PRMT8: variants seen among roughly 807,000 people sequenced by gnomAD.
PRMT8 encodes the protein protein arginine methyltransferase 8.
A neutral mutation model predicts 47.1 loss-of-function variants in PRMT8; 7 were observed. The ratio of observed to expected loss-of-function variants is 0.15; its 90% CI spans 0.08 to 0.28. The LOEUF (loss-of-function observed/expected upper bound fraction) is 0.28, where lower values mean the gene tolerates loss of function less well. Among genes scored for constraint, PRMT8 ranks in the 10% least tolerant of loss-of-function variants. The pLI, the probability that PRMT8 is intolerant of heterozygous loss-of-function variation, is 1.00. For synonymous variants in PRMT8, 188 were observed against 186.5 expected (o/e 1.01, Z -0.07); for missense variants, 237 against 505.4 (o/e 0.47, Z 5.09).
At chr12:3,545,335 G>A (rs1315550703) in intron 2 of PRMT8, among the ~76,000 whole-genome samples, 2 of 152,150 alleles carry the variant, frequency 1.3e-5, no homozygotes, top group African/African-American at 2.4e-5. Flanking sequence ...CCTGCTATGC[G>A]CCATGCCCCA....
At chr12:3,494,921 A>G (rs1344700232) in intron 1 of PRMT8, among the ~76,000 whole-genome samples, 1 of 152,214 alleles carries the variant, frequency 6.6e-6, no homozygotes, top group Non-Finnish European at 1.5e-5. Context: ...CCCCTGGCAC[A>G]TGGCAAACAC....
Position 3,492,812 on chromosome 12 carries a change from A to G in PRMT8, c.75+1112A>G, listed in dbSNP as rs1015095879. ...ATCATCCCTTACTCAGTGGCAGGAAAAAGACACAGAGAGCAAACTCCCAGG... is the reference window on the plus strand; with the variant it reads ...ATCATCCCTTACTCAGTGGCAGGAAGAAGACACAGAGAGCAAACTCCCAGG... On this transcript the variant is annotated intron_variant, in intron 1 of 9. Coordinates refer to ENST00000382622, the MANE Select transcript of PRMT8 (RefSeq NM_019854.5). This position sits in a 1 kb window ranked among gnomAD's most constrained non-coding sequence, Gnocchi z 7.5. 6.6e-6 allele frequency among the ~76,000 whole-genome samples: 1 copy of G among 152,080 alleles called. No individual in the cohort carries two copies. Among genetic ancestry groups the G allele is most frequent in the Non-Finnish European group, 1.5e-5 (1 of 68,022 alleles).
intron 1 of PRMT8, among the ~76,000 whole-genome samples, chr12:3,389,454 C>T (rs565533692): frequency 5.3e-5 from 8 of 152,310 alleles, no homozygotes; most frequent in South Asian, 2.1e-4. Context: ...GGAAGGCATT[C>T]GCTCATTCTT....
chr12:3,512,961 G>A (rs1395903301), intron 1 of PRMT8, among the ~76,000 whole-genome samples: 2 of 152,108 alleles, frequency 1.3e-5, no homozygotes, highest in Non-Finnish European at 2.9e-5. Flanking sequence ...GAGGTTTGTG[G>A]GATTCAGGAG....
chr12:3,400,165 C>T lies in PRMT8; in HGVS notation c.48+18723C>T, dbSNP rs914469840. On this transcript the variant is annotated intron_variant, in intron 1 of 9. Coordinates refer to the PRMT8 transcript ENST00000452611. ...AACCAAGAAATAACCAAGATCAGAG[C>T]TGAACTGAAGGAGATAAAGAGACGA... Among the ~76,000 whole-genome samples, 4 of 152,080 alleles carry T rather than the reference C, an allele frequency of 2.6e-5. No homozygotes were observed. The South Asian group carries it at 8.3e-4, about 32-fold the overall frequency.
chr12:3,540,937 C>G, intron 2 of PRMT8, 146 bp downstream of exon 2: 1 of 1,001,814 alleles, frequency 1.0e-6, no homozygotes, highest in Non-Finnish European at 1.4e-6. Context: ...TTTCTCCAAT[C>G]CGGGGGGCCC....
At chr12:3,551,017 A>C (rs1206321636) in intron 3 of PRMT8, 4 of 152,184 alleles carry the variant, frequency 2.6e-5, no homozygotes, top group Non-Finnish European at 5.9e-5. Context: ...CCTGAGCAGC[A>C]TTCAGTGGGT....
rs1308133892 is a variant in PRMT8, at chr12:3,593,157, T to C, written c.1160T>C (p.Val387Ala). 6.2e-7 allele frequency: 1 copy of C among 1,614,068 alleles called. No homozygotes were observed. The highest frequency in any genetic ancestry group is 8.5e-7 in the Non-Finnish European group (1 of 1,179,956). The change falls in exon 10 of 10, where the codon GTA (valine) becomes GCA (alanine). Residue 387 changes from valine to alanine, a missense_variant. Physicochemically the swap from Val to Ala is moderately conservative, Grantham distance 64 (BLOSUM62 0). Coordinates refer to ENST00000382622, the MANE Select transcript of PRMT8 (RefSeq NM_019854.5). The surrounding 1 kb of genome is among the most constrained non-coding windows in gnomAD (Gnocchi z 4.8). The part of the protein sequence containing the change: ...DFKGQLCETS[V>A]SNDYKMR ...AAGGGACAGCTGTGTGAAACATCTG[T>C]ATCTAATGACTACAAAATGCGTTAG...
chr12:3,524,053 C>G (rs1481351666), intron 1 of PRMT8, among the ~76,000 whole-genome samples: 2 of 152,128 alleles, frequency 1.3e-5, no homozygotes, highest in South Asian at 4.1e-4. Context: ...CCAATTGCAC[C>G]GGAACTTGTG....
chr12:3,571,160 C>A (rs1291385186), intron 6 of PRMT8, among the ~76,000 whole-genome samples: 1 of 152,204 alleles, frequency 6.6e-6, no homozygotes. Flanking sequence ...TGTAGCTAAG[C>A]CCCTTTCTGC....
intron 1 of PRMT8, among the ~76,000 whole-genome samples, chr12:3,446,764 C>T (rs2137077274): frequency 6.6e-6 from 1 of 152,338 alleles, no homozygotes; most frequent in South Asian, 2.1e-4. Flanking sequence ...CACGGATTAC[C>T]ATCAGAAAAT....
intron 8 of PRMT8, among the ~76,000 whole-genome samples, chr12:3,590,213 G>A (rs1472613692): frequency 3.3e-5 from 5 of 152,172 alleles, no homozygotes; most frequent in South Asian, 2.1e-4. Context: ...AGTTTGCATC[G>A]ATTTCCCAAA....
intron 1 of PRMT8, among the ~76,000 whole-genome samples, chr12:3,429,313 C>G (rs575040967): frequency 2.0e-5 from 3 of 151,754 alleles, no homozygotes; most frequent in Admixed American, 2.0e-4. Context: ...CTATTTCACA[C>G]AAAGTTACTA....
chr12:3,559,959 G>A (rs189245261), intron 4 of PRMT8, among the ~76,000 whole-genome samples: 7 of 152,342 alleles, frequency 4.6e-5, no homozygotes, highest in Admixed American at 3.9e-4. Flanking sequence ...CTTGAAGAGT[G>A]CAAACCTTTG....
In PRMT8 at chr12:3,566,819, G is replaced by A. The variant is rs531123363; in HGVS notation, c.482-1887G>A. Among the ~76,000 whole-genome samples the A allele has an allele frequency of 1.6e-4, 24 of 152,244 alleles. No individual in the cohort carries two copies. The highest frequency in any genetic ancestry group is 2.9e-4 in the Non-Finnish European group (20 of 68,014). ...GTGTGAGTTTTTTTCAGAGGATATT[G>A]CAGAATGAGAGTTTCAGAGCATGAA... On this transcript the variant is annotated intron_variant, in intron 4 of 9. Transcript: ENST00000382622. This position sits in a 1 kb window ranked among gnomAD's most constrained non-coding sequence, Gnocchi z 4.7.
chr12:3,462,724 A>G (rs935022013), intron 1 of PRMT8: 8 of 152,004 alleles, frequency 5.3e-5, no homozygotes, highest in Admixed American at 3.9e-4. Context: ...GACAGACAGA[A>G]GCCAAGGAAG....
At chr12:3,488,172 G>T (rs560347165), upstream of PRMT8, among the ~76,000 whole-genome samples, 1 of 152,200 alleles carries the variant, frequency 6.6e-6, no homozygotes, top group South Asian at 2.1e-4. Flanking sequence ...GCTGTTGAAC[G>T]GGCTACATGA....
At chr12:3,407,253 A>G (rs907376370) in intron 1 of PRMT8, among the ~76,000 whole-genome samples, 6 of 152,126 alleles carry the variant, frequency 3.9e-5, no homozygotes, top group Admixed American at 2.6e-4. Flanking sequence ...CCCTCCCACA[A>G]CACGTGGGGA....
At chr12:3,584,548 G>C (rs1867131155) in intron 8 of PRMT8, among the ~76,000 whole-genome samples, 1 of 152,116 alleles carries the variant, frequency 6.6e-6, no homozygotes, top group Non-Finnish European at 1.5e-5. Context: ...TGTTTCAAGT[G>C]AGACACATGC....
Sources: gnomAD v4.1 joint callset for allele counts (sites outside exome capture counted in the v4.1 genomes callset) on GRCh38, gnomAD v4.1.1 for gene constraint, Gnocchi (gnomAD v3.1) non-coding constraint, MANE v1.5 for transcripts, NCBI Gene and HGNC (gene_info 2026-07-23, HGNC 2026-07-21) for gene names.